The following CSTF1 variants were observed in gnomAD, a reference collection of about 807,000 sequenced individuals.
CSTF1 encodes CF-1 50 kDa subunit.
A neutral mutation model predicts 40.9 loss-of-function variants in CSTF1; 2 were observed. That is an observed-to-expected ratio of 0.05 (90% confidence interval 0.02 to 0.15). The LOEUF (loss-of-function observed/expected upper bound fraction) is 0.15. Ranked by LOEUF, CSTF1 falls within the 10% of genes least tolerant of loss-of-function variation. CSTF1 has a pLI of 1.00. For missense variants in CSTF1, 279 were observed against 558.9 expected, an observed-to-expected ratio of 0.50 and a Z score of 5.05; for synonymous variants, 218 against 207.2, an observed-to-expected ratio of 1.05 and a Z score of -0.45.
chr20:56,403,594 G>A lies in CSTF1; in HGVS notation c.1163G>A (p.Arg388Gln), dbSNP rs751590511. The change falls in exon 6 of 6, where the codon CGG becomes CAG. Residue 388 changes from arginine to glutamine, a missense_variant. Around this residue, in one of 4 missense-constraint regions of CSTF1, gnomAD observed 162 missense variants for 337.1 expected, o/e 0.48. Transcript: ENST00000217109. The stretch of plus-strand genomic sequence containing the variant: ...TGCTGGGACTCGAGGACAGCCGAGC[G>A]GAGAAACCTGCTGTCGTTGGGGCAC... ...LCCWDSRTAE[R>Q]RNLLSLGHNN... is the part of the protein sequence containing the mutation. The A allele has an allele frequency of 1.9e-6, 3 of 1,614,068 alleles. No individual in the cohort carries two copies. The highest frequency in any genetic ancestry group is 2.2e-5 in the East Asian group (1 of 44,880).
intron 4 of CSTF1, 111 bp from the exon 5 acceptor site, chr20:56,398,856 A>G: frequency 1.9e-6 from 2 of 1,039,116 alleles, no homozygotes; most frequent in Non-Finnish European, 2.8e-6. Context: ...CCTGTGTAAT[A>G]TCTAATAATT....
chr20:56,398,845 A>C lies in CSTF1; in HGVS notation c.646-122A>C, dbSNP rs1978336443. On this transcript the variant is annotated intron_variant, in intron 4 of 5. Transcript: ENST00000217109. ...CAGAAAGCACTTTTTTTCTTATGAT[A>C]CCTGTGTAATATCTAATAATTGTTT... The C allele has an allele frequency of 3.4e-6, 3 of 894,796 alleles. 1 individual carries two copies. Among genetic ancestry groups the C allele is most frequent in the South Asian group, 4.1e-5 (2 of 49,272 alleles). 55.4% of individuals were successfully genotyped at this position (894,796 alleles called of 1,614,324 possible).
chr20:56,398,272 T>C (rs1287663162), intron 4 of CSTF1, among the ~76,000 whole-genome samples: 2 of 152,230 alleles, frequency 1.3e-5, no homozygotes, highest in East Asian at 1.9e-4. Flanking sequence ...TTCTGTCTGT[T>C]TGATAATTAA....
chr20:56,399,437 A>G lies in CSTF1; in HGVS notation c.1036+80A>G, dbSNP rs1393770337. 3.2e-6 allele frequency: 4 copies of G among 1,266,014 alleles called. No individual in the cohort carries two copies. The highest frequency in any genetic ancestry group is 4.4e-6 in the Non-Finnish European group (4 of 909,914). The allele number at this position is 1,266,014 out of a possible 1,614,324, so 78.4% of individuals were successfully genotyped here. On this transcript the variant is annotated intron_variant, in intron 5 of 5. Transcript: ENST00000217109. This position sits in a 1 kb window ranked among gnomAD's most constrained non-coding sequence, Gnocchi z 4.6. ...ACTCTCTTTTAAGACCTCACAATAGAGCAACACAATATCTATGCATTGAGC... is the reference window on the plus strand; with the variant it reads ...ACTCTCTTTTAAGACCTCACAATAGGGCAACACAATATCTATGCATTGAGC...
At chr20:56,402,157 AT>A (rs1449828178) in intron 5 of CSTF1, among the ~76,000 whole-genome samples, 1 of 152,134 alleles carries the variant, frequency 6.6e-6, no homozygotes, top group Non-Finnish European at 1.5e-5. Context: ...AAATACAAAA[AT>A]TAGTTGAGTG....
chr20:56,395,917 C>A (rs1175714987), intron 2 of CSTF1, 196 bp downstream of exon 2: 8 of 562,832 alleles, frequency 1.4e-5, no homozygotes, highest in Non-Finnish European at 2.2e-5. Context: ...ATTATGAAGA[C>A]CTTAAGCTGG....
intron 2 of CSTF1, among the ~76,000 whole-genome samples, chr20:56,396,101 A>G (rs1987511227): frequency 6.6e-6 from 1 of 152,164 alleles, no homozygotes; most frequent in Non-Finnish European, 1.5e-5. Context: ...CATTTGTTTT[A>G]TAACAGTTGT....
chr20:56,402,578 G>C (rs529594186), intron 5 of CSTF1, among the ~76,000 whole-genome samples: 8 of 152,248 alleles, frequency 5.3e-5, no homozygotes, highest in African/African-American at 1.9e-4. Context: ...AAAGCTTTCT[G>C]TACAAAGGAT....
At chr20:56,402,343 A>G (rs199808956) in intron 5 of CSTF1, among the ~76,000 whole-genome samples, 2 of 152,142 alleles carry the variant, frequency 1.3e-5, no homozygotes, top group East Asian at 3.9e-4. Flanking sequence ...ACAAGTGAGC[A>G]CATAACACTT....
At chr20:56,398,037 T>G (rs913347309) in intron 4 of CSTF1, among the ~76,000 whole-genome samples, 196 bp downstream of exon 4, 3 of 152,196 alleles carry the variant, frequency 2.0e-5, no homozygotes, top group African/African-American at 4.8e-5. Flanking sequence ...TCCCTCTGGC[T>G]GGTCAGAGTT....
intron 4 of CSTF1, among the ~76,000 whole-genome samples, chr20:56,398,656 T>A (rs1273732218): frequency 6.6e-6 from 1 of 152,258 alleles, no homozygotes; most frequent in Non-Finnish European, 1.5e-5. Flanking sequence ...AAGTTGTACT[T>A]CAGTTAACCA....
intron 5 of CSTF1, among the ~76,000 whole-genome samples, chr20:56,402,369 G>A (rs1176836959): frequency 6.6e-6 from 1 of 151,812 alleles, no homozygotes; most frequent in Admixed American, 6.6e-5. Flanking sequence ...TTTCGAAAGA[G>A]TATTCACCAA....
intron 5 of CSTF1, 90 bp from the exon 6 acceptor site, chr20:56,403,378 G>A: frequency 6.7e-7 from 1 of 1,488,098 alleles, no homozygotes; most frequent in Non-Finnish European, 9.2e-7. Context: ...CACTGCAACA[G>A]GTTTAAAATG....
At chr20:56,400,605 G>T (rs6069728) in intron 5 of CSTF1, among the ~76,000 whole-genome samples, 1 of 152,188 alleles carries the variant, frequency 6.6e-6, no homozygotes, top group Non-Finnish European at 1.5e-5. Flanking sequence ...GCTTGTTTTA[G>T]TGGGGAATAG....
chr20:56,392,807 G>A lies in CSTF1; in HGVS notation c.-33+94G>A, dbSNP rs924866362. On this transcript the variant is annotated intron_variant, in intron 1 of 5. Transcript: ENST00000217109. ...TGGGGCGAGACTGGAAGAGTCGAGA[G>A]TTAGCAAGGTGGCATGCGCCTCTAC... The A allele has an allele frequency of 2.6e-5, 4 of 152,378 alleles. No homozygotes were observed. In the East Asian group the frequency reaches 5.8e-4, roughly 22 times the overall value. The allele number at this position is 152,378 out of a possible 1,614,324, so 9.4% of individuals were successfully genotyped here.
At chr20:56,402,306 C>CAA (rs768794348) in intron 5 of CSTF1, among the ~76,000 whole-genome samples, 67 of 122,646 alleles carry the variant, frequency 5.5e-4, no homozygotes, top group African/African-American at 1.8e-3. Flanking sequence ...GACTCTATCT[C>CAA]AAAAAAAAAA....
Position 56,399,319 on chromosome 20 carries a change from G to C in CSTF1, c.998G>C (p.Trp333Ser). 6.2e-7 allele frequency: 1 copy of C among 1,613,528 alleles called. No homozygotes were observed. The highest frequency in any genetic ancestry group is 8.5e-7 in the Non-Finnish European group (1 of 1,179,636). ...SSGKDSVAKLWEISTGRTLVR... is the reference protein window; with the variant it reads ...SSGKDSVAKLSEISTGRTLVR... The stretch of plus-strand genomic sequence containing the variant: ...GGAAAAGACTCTGTAGCTAAACTTT[G>C]GGAAATATCAACGGGACGAACACTG... The change falls in exon 5 of 6, where the codon TGG (tryptophan) becomes TCG (serine). Residue 333 changes from tryptophan (W) to serine (S), a missense_variant. Coordinates refer to ENST00000217109, the MANE Select transcript of CSTF1 (RefSeq NM_001324.3). This position sits in a 1 kb window ranked among gnomAD's most constrained non-coding sequence, Gnocchi z 4.6.
rs1249361475 is a variant in CSTF1 at position 56,404,973 on chromosome 20, G to A, written c.*1246G>A. ...AGCCACCGCGCCCAGCCTTCCTGAAGCTTTTTAGAACATGACAGTACTTCT... is the reference window on the plus strand; with the variant it reads ...AGCCACCGCGCCCAGCCTTCCTGAAACTTTTTAGAACATGACAGTACTTCT... On this transcript the variant is annotated 3_prime_UTR_variant, in exon 6 of 6. Coordinates refer to ENST00000217109, the MANE Select transcript of CSTF1 (RefSeq NM_001324.3). The A allele has an allele frequency of 2.7e-5, 4 of 150,886 alleles. No homozygotes were observed. Among genetic ancestry groups the A allele is most frequent in the African/African-American group, 7.3e-5 (3 of 40,938 alleles). The allele number at this position is 150,886 out of a possible 1,614,324, so 9.3% of individuals were successfully genotyped here.
chr20:56,394,323 C>G (rs978121925), intron 1 of CSTF1, among the ~76,000 whole-genome samples: 1 of 152,112 alleles, frequency 6.6e-6, no homozygotes, highest in South Asian at 2.1e-4. Context: ...CAGTGGCTCG[C>G]GCCCGTAATC....
Sources: gnomAD v4.1 joint callset for allele counts (sites outside exome capture counted in the v4.1 genomes callset) on GRCh38, gnomAD v4.1.1 for gene constraint, gnomAD v4.1.1 regional missense constraint, Gnocchi (gnomAD v3.1) non-coding constraint, MANE v1.5 for transcripts, NCBI Gene and HGNC (gene_info 2026-07-23, HGNC 2026-07-21) for gene names.